Variants in ADAMTS17 observed in about 807,000 individuals in gnomAD.
ADAMTS17 encodes A disintegrin and metalloproteinase with thrombospondin motifs 17.
In ADAMTS17, 113 loss-of-function variants were observed where a neutral mutation model predicts 141.5. The observed-to-expected ratio is 0.80, with a 90% CI of 0.69 to 0.93. The LOEUF is 0.93. Ranked by LOEUF, ADAMTS17 falls within the 40% of genes least tolerant of loss-of-function variation. ADAMTS17 has a pLI of 0.00. For missense variants in ADAMTS17, 1,659 were observed against 1,517.9 expected (o/e 1.09, Z -1.54); for synonymous variants, 768 against 630.6 (o/e 1.22, Z -3.27).
At chr15:99,986,860 A>T (rs912583099) in intron 20 of ADAMTS17, among the ~76,000 whole-genome samples, 5 of 152,198 alleles carry the variant, frequency 3.3e-5, no homozygotes, top group African/African-American at 1.2e-4. Context: ...TGTTTTCTGG[A>T]AAGAGCTACT....
chr15:100,198,078 C>A (rs1325011804), intron 8 of ADAMTS17, among the ~76,000 whole-genome samples: 1 of 152,104 alleles, frequency 6.6e-6, no homozygotes, highest in Non-Finnish European at 1.5e-5. Context: ...ATGTAGGCGA[C>A]AGGTTGATGG....
At chr15:100,211,173 G>C (rs904943714) in intron 7 of ADAMTS17, among the ~76,000 whole-genome samples, 10 of 150,972 alleles carry the variant, frequency 6.6e-5, no homozygotes, top group Non-Finnish European at 1.3e-4. Flanking sequence ...ATGGTGGCCT[G>C]TGCCTGTAAT....
intron 19 of ADAMTS17, among the ~76,000 whole-genome samples, chr15:99,994,138 G>A (rs1171866459): frequency 6.6e-6 from 1 of 152,098 alleles, no homozygotes; most frequent in Non-Finnish European, 1.5e-5. Flanking sequence ...CACAGCCTCG[G>A]GAAGACAAAA....
At chr15:100,061,478 CG>C (rs2033120025) in intron 15 of ADAMTS17, among the ~76,000 whole-genome samples, 1 of 152,122 alleles carries the variant, frequency 6.6e-6, no homozygotes, top group Non-Finnish European at 1.5e-5. Context: ...AGCTGAGGGA[CG>C]ATCACAAGAG....
At chr15:100,086,764 G>A (rs935902371) in intron 15 of ADAMTS17, among the ~76,000 whole-genome samples, 1 of 148,784 alleles carries the variant, frequency 6.7e-6, no homozygotes, top group African/African-American at 2.5e-5. Flanking sequence ...CAAAATGAAG[G>A]CAGAAATAAA....
Position 100,289,900 on chromosome 15 carries a change from C to T in ADAMTS17, c.617-8499G>A, listed in dbSNP as rs373203743. On this transcript the variant is annotated intron_variant, in intron 3 of 21. Transcript: ENST00000268070. ...TAAGAGCCATCTATGACAAACCCAC[C>T]GCCCATCATACTCAATGGGCAGAAG... Among the ~76,000 whole-genome samples the T allele has an allele frequency of 5.1e-4, 78 of 152,200 alleles. 1 individual carries two copies. In the South Asian group the frequency reaches 0.014, roughly 27 times the overall value.
intron 18 of ADAMTS17, among the ~76,000 whole-genome samples, chr15:100,028,035 C>G (rs1344637330): frequency 6.6e-6 from 1 of 152,160 alleles, no homozygotes; most frequent in Non-Finnish European, 1.5e-5. Context: ...ACAAGCTGTA[C>G]AGGCAGAGCC....
chr15:100,231,979 AT>A (rs1473025006), intron 7 of ADAMTS17, among the ~76,000 whole-genome samples: 1 of 152,194 alleles, frequency 6.6e-6, no homozygotes, highest in Non-Finnish European at 1.5e-5. Flanking sequence ...CTGAACCTTC[AT>A]TTTACTTGTG....
At position 100,249,349 on chromosome 15, in the gene ADAMTS17, G is replaced by A. The variant is rs376437880; in HGVS notation, c.1075+4787C>T. ...TGGGCTGTCTGGCATTCATCCTCCC[G>A]CCTGGCTGAAGCACAGTGATCCCCT... On this transcript the variant is annotated intron_variant, in intron 7 of 21. Transcript: ENST00000268070. 2.2e-3 allele frequency among the ~76,000 whole-genome samples: 331 copies of A among 152,286 alleles called. 7 individuals carry two copies. The South Asian group carries it at 0.061, about 28-fold the overall frequency.
At chr15:100,173,486 A>G (rs2141481943) in intron 8 of ADAMTS17, among the ~76,000 whole-genome samples, 1 of 152,180 alleles carries the variant, frequency 6.6e-6, no homozygotes. Context: ...TAGCTTGCCA[A>G]CCCCCACCTG....
intron 19 of ADAMTS17, among the ~76,000 whole-genome samples, chr15:99,995,839 C>T (rs1567655838): frequency 6.6e-6 from 1 of 152,160 alleles, no homozygotes; most frequent in Non-Finnish European, 1.5e-5. Context: ...TTGCTCAAGC[C>T]TGGGCTAAGC....
rs183666839 is a variant in ADAMTS17 at position 100,005,593 on chromosome 15, A to G, written c.2592-8004T>C. On this transcript the variant is annotated intron_variant, in intron 18 of 21. Transcript: ENST00000268070. ...CCTACCTGGAAGGACCCTTGTGATG[A>G]CCCCAGACTCACCCAGATAATCCAG... Among the ~76,000 whole-genome samples, 84 of 152,106 alleles carry G rather than the reference A, an allele frequency of 5.5e-4. 1 individual carries two copies. The highest frequency in any genetic ancestry group is 1.9e-3 in the African/African-American group (77 of 41,478).
chr15:100,122,028 C>A (rs1205438647), intron 12 of ADAMTS17, among the ~76,000 whole-genome samples: 1 of 152,120 alleles, frequency 6.6e-6, no homozygotes, highest in South Asian at 2.1e-4. Context: ...CCAGTTGCAC[C>A]CTCTCTAACA....
intron 4 of ADAMTS17, among the ~76,000 whole-genome samples, chr15:100,262,948 T>C (rs2043581104): frequency 6.6e-6 from 1 of 152,020 alleles, no homozygotes; most frequent in Admixed American, 6.5e-5. Context: ...TAAAAATGGA[T>C]TTGCCAAAAG....
intron 4 of ADAMTS17, among the ~76,000 whole-genome samples, chr15:100,268,757 T>A (rs1489972930): frequency 2.6e-5 from 4 of 152,214 alleles, no homozygotes; most frequent in African/African-American, 9.7e-5. Flanking sequence ...CAACATCATT[T>A]TCACAGAATT....
chr15:100,339,347 A>G (rs2046296878), intron 2 of ADAMTS17, among the ~76,000 whole-genome samples: 1 of 152,172 alleles, frequency 6.6e-6, no homozygotes, highest in East Asian at 1.9e-4. Context: ...AGAAGTATAA[A>G]CTCTGACCTC....
intron 14 of ADAMTS17, among the ~76,000 whole-genome samples, chr15:100,107,269 G>A (rs531916244): frequency 6.6e-6 from 1 of 152,296 alleles, no homozygotes; most frequent in East Asian, 1.9e-4. Flanking sequence ...CAAGCAAAGA[G>A]CATAAGCAGA....
At chr15:100,325,026 G>A (rs1281311792) in intron 3 of ADAMTS17, among the ~76,000 whole-genome samples, 1 of 152,130 alleles carries the variant, frequency 6.6e-6, no homozygotes, top group African/African-American at 2.4e-5. Context: ...TACAGACAGG[G>A]TCCCTTTGTG....
chr15:99,979,701 A>T (rs1283526167), intron 20 of ADAMTS17: 1 of 152,202 alleles, frequency 6.6e-6, no homozygotes, highest in Non-Finnish European at 1.5e-5. Context: ...CACTACAATC[A>T]CCAGGTTGCA....
Sources: allele counts gnomAD v4.1 joint callset (sites outside exome capture counted in the v4.1 genomes callset), GRCh38; gene constraint gnomAD v4.1.1; transcripts MANE v1.5; gene names NCBI Gene and HGNC (gene_info 2026-07-23, HGNC 2026-07-21).